The following PTPRN2 variants were observed in gnomAD, a reference collection of about 807,000 sequenced individuals.
PTPRN2 encodes the protein protein tyrosine phosphatase receptor type N2, also known as receptor-type tyrosine-protein phosphatase N2.
A neutral mutation model predicts 118.8 loss-of-function variants in PTPRN2; 74 were observed. That is an observed-to-expected ratio of 0.62 (90% CI 0.52 to 0.76). The LOEUF (loss-of-function observed/expected upper bound fraction) is 0.76, where lower values mean the gene tolerates loss of function less well. Ranked by LOEUF, PTPRN2 falls within the 30% of genes least tolerant of loss-of-function variation. The probability of loss-of-function intolerance (pLI) is 0.00; values close to 1 mark genes in which losing one functional copy is unlikely to be tolerated. For synonymous variants in PTPRN2, 641 were observed against 608.0 expected (o/e 1.05, Z -0.80); for missense variants, 1,481 against 1,394.4 (o/e 1.06, Z -0.99).
At chr7:158,345,864 CAGA>C (rs1384565254) in intron 2 of PTPRN2, among the ~76,000 whole-genome samples, 1 of 152,048 alleles carries the variant, frequency 6.6e-6, no homozygotes, top group African/African-American at 2.4e-5. Context: ...CCTGAGGCGG[CAGA>C]AGGAGTGGGG....
Position 157,583,601 on chromosome 7 carries a change from C to T in PTPRN2, c.2497-5461G>A, listed in dbSNP as rs932898198. Among the ~76,000 whole-genome samples the T allele has an allele frequency of 6.6e-6, 1 of 150,990 alleles. No homozygotes were observed. The highest frequency in any genetic ancestry group is 1.5e-5 in the Non-Finnish European group (1 of 67,170). On this transcript the variant is annotated intron_variant, in intron 17 of 22. Coordinates refer to ENST00000389418, the MANE Select transcript of PTPRN2 (RefSeq NM_002847.5). This position sits in a 1 kb window ranked among gnomAD's most constrained non-coding sequence, Gnocchi z 5.5. Reference sequence around the variant, plus strand: ...TAAACATTTACAATTAAAAACAACTCGACCGGGCACAGGGGCTCGCACCTC... The same window carrying T: ...TAAACATTTACAATTAAAAACAACTTGACCGGGCACAGGGGCTCGCACCTC...
intron 11 of PTPRN2, chr7:158,030,733 C>T (rs999293871): frequency 1.3e-5 from 2 of 152,494 alleles, no homozygotes; most frequent in African/African-American, 4.8e-5. Context: ...CTCTCTGGAG[C>T]CTTCAGAGAT....
At chr7:158,251,368 G>GGCGT (rs1796643602) in intron 3 of PTPRN2, among the ~76,000 whole-genome samples, 1 of 152,086 alleles carries the variant, frequency 6.6e-6, no homozygotes, top group Non-Finnish European at 1.5e-5. Flanking sequence ...GTGCATGTGG[G>GGCGT]GCGTGTGCAG....
intron 21 of PTPRN2, among the ~76,000 whole-genome samples, chr7:157,565,790 T>C (rs988337204): frequency 9.2e-5 from 14 of 152,216 alleles, no homozygotes; most frequent in Non-Finnish European, 5.9e-5. Flanking sequence ...TTGCTACATG[T>C]GAGCCAAGCC....
intron 12 of PTPRN2, among the ~76,000 whole-genome samples, chr7:157,730,139 C>G (rs1259710703): frequency 6.6e-6 from 1 of 152,030 alleles, no homozygotes; most frequent in Non-Finnish European, 1.5e-5. Flanking sequence ...ATTCTGGGTT[C>G]TGAGACCCCT....
intron 14 of PTPRN2, among the ~76,000 whole-genome samples, chr7:157,641,696 G>T (rs909735786): frequency 6.6e-6 from 1 of 152,176 alleles, no homozygotes; most frequent in Non-Finnish European, 1.5e-5. Context: ...CTCCAGAAGA[G>T]AAAACACTAG....
chr7:157,867,584 G>A (rs1443499790), intron 12 of PTPRN2, among the ~76,000 whole-genome samples: 1 of 149,890 alleles, frequency 6.7e-6, no homozygotes, highest in Non-Finnish European at 1.5e-5. Context: ...CTGGATACAC[G>A]GCCACCACCC....
intron 14 of PTPRN2, among the ~76,000 whole-genome samples, chr7:157,638,601 G>A (rs1804468661): frequency 6.6e-6 from 1 of 152,282 alleles, no homozygotes; most frequent in South Asian, 2.1e-4. Flanking sequence ...TTTTCAGGGT[G>A]AAGAGTTAGA....
chr7:158,131,889 C>CACACTCAT (rs1413526389), intron 9 of PTPRN2, among the ~76,000 whole-genome samples: 1 of 151,654 alleles, frequency 6.6e-6, no homozygotes, highest in African/African-American at 2.4e-5. Context: ...ACCTGACATA[C>CACACTCAT]ACACACATGG....
rs896768 is a variant in PTPRN2, at chr7:158,280,568, C to T, written c.277+36251G>A. 6.2e-3 allele frequency among the ~76,000 whole-genome samples: 940 copies of T among 152,224 alleles called. 7 individuals carry two copies. The highest frequency in any genetic ancestry group is 0.021 in the African/African-American group (878 of 41,526). On this transcript the variant is annotated intron_variant, in intron 3 of 22. Coordinates refer to ENST00000389418, the MANE Select transcript of PTPRN2 (RefSeq NM_002847.5). ...ACCTTTCATAGCAGCCCTGAGATACCGGGTGGAGAGGGCAGATGGAGAGAG... is the reference window on the plus strand; with the variant it reads ...ACCTTTCATAGCAGCCCTGAGATACTGGGTGGAGAGGGCAGATGGAGAGAG...
At position 157,539,357 on chromosome 7, in the gene PTPRN2, T is replaced by C. The variant is rs1213526415; in HGVS notation, c.*1357A>G. 2 of 151,872 alleles carry C rather than the reference T, an allele frequency of 1.3e-5. No homozygotes were observed. Among genetic ancestry groups the C allele is most frequent in the African/African-American group, 4.9e-5 (2 of 41,116 alleles). 9.4% of individuals were successfully genotyped at this position (151,872 alleles called of 1,614,324 possible). ...GGTAGGGCCTTTGGAGAGTACCATC[T>C]ATCTAAGATGGAGGAATGCTGTGGG... On this transcript the variant is annotated 3_prime_UTR_variant, in exon 23 of 23. Coordinates refer to ENST00000389418, the MANE Select transcript of PTPRN2 (RefSeq NM_002847.5).
chr7:157,678,638 C>T (rs1002978872), intron 13 of PTPRN2, among the ~76,000 whole-genome samples: 5 of 152,166 alleles, frequency 3.3e-5, no homozygotes, highest in African/African-American at 4.8e-5. Context: ...CAGCAGCGAC[C>T]GAGACGTGCA....
chr7:157,619,874 G>C lies in PTPRN2; in HGVS notation c.2344+1488C>G, dbSNP rs1803044798. ...GACAGGCGGTGTCTCAGGGACACCA[G>C]TCTGATCCCTTGACCGGCTCCGAAG... On this transcript the variant is annotated intron_variant, in intron 15 of 22. Transcript: ENST00000389418. The surrounding 1 kb of genome is among the most constrained non-coding windows in gnomAD (Gnocchi z 5.3). Among the ~76,000 whole-genome samples the C allele has an allele frequency of 6.6e-6, 1 of 152,192 alleles. No individual in the cohort carries two copies. The highest frequency in any genetic ancestry group is 1.5e-5 in the Non-Finnish European group (1 of 68,038).
At chr7:158,407,885 G>C (rs1813727644) in intron 2 of PTPRN2, among the ~76,000 whole-genome samples, 1 of 152,214 alleles carries the variant, frequency 6.6e-6, no homozygotes, top group South Asian at 2.1e-4. Context: ...AACAGCAAAA[G>C]CAAAAAGGCA....
intron 22 of PTPRN2, among the ~76,000 whole-genome samples, chr7:157,546,534 T>C (rs1798328839): frequency 6.6e-6 from 1 of 152,190 alleles, no homozygotes; most frequent in Non-Finnish European, 1.5e-5. Context: ...CAGTGTTTGG[T>C]TTTCTGTTCC....
At chr7:157,601,142 C>G (rs1447431758) in intron 16 of PTPRN2, among the ~76,000 whole-genome samples, 1 of 152,208 alleles carries the variant, frequency 6.6e-6, no homozygotes, top group African/African-American at 2.4e-5. Flanking sequence ...TCATGGGTTT[C>G]TCTCTCAGAC....
chr7:158,054,259 T>C (rs2128900006), intron 11 of PTPRN2, among the ~76,000 whole-genome samples: 2 of 152,248 alleles, frequency 1.3e-5, no homozygotes, highest in South Asian at 4.2e-4. Context: ...CTCTCCGAAA[T>C]TTTCCCATGC....
In PTPRN2 at chr7:158,291,010, C is replaced by T. The variant is rs567003989; in HGVS notation, c.277+25809G>A. ...CAGATAAAATGTGGATGCTCTTTGACAGAGGAGGAGGAGGTCTGCTGAGCC... is the reference window on the plus strand; with the variant it reads ...CAGATAAAATGTGGATGCTCTTTGATAGAGGAGGAGGAGGTCTGCTGAGCC... On this transcript the variant is annotated intron_variant, in intron 3 of 22. Transcript: ENST00000389418. Among the ~76,000 whole-genome samples the T allele has an allele frequency of 9.2e-5, 14 of 152,292 alleles. No individual in the cohort carries two copies. In the South Asian group the frequency reaches 2.7e-3, roughly 29 times the overall value.
rs148183543 is a variant in PTPRN2, at chr7:158,532,228, C to T, written c.113-42443G>A. ...GCCCATGCCCCCAGTGTAAAAAGAT[C>T]CTCAGCTCGTCGGGCACGACCTTGC... On this transcript the variant is annotated intron_variant, in intron 1 of 22. Transcript: ENST00000389418. Among the ~76,000 whole-genome samples, 127 of 152,292 alleles carry T rather than the reference C, an allele frequency of 8.3e-4. 1 individual carries two copies. The highest frequency in any genetic ancestry group is 1.6e-3 in the Admixed American group (25 of 15,306).
Sources: allele counts gnomAD v4.1 joint callset (sites outside exome capture counted in the v4.1 genomes callset), GRCh38; gene constraint gnomAD v4.1.1; non-coding constraint Gnocchi (gnomAD v3.1); transcripts MANE v1.5; gene names NCBI Gene and HGNC (gene_info 2026-07-23, HGNC 2026-07-21).